DPYD: variants seen among roughly 807,000 people sequenced by gnomAD.
DPYD encodes the protein dihydropyrimidine dehydrogenase [NADP(+)].
Under a neutral mutation model 116.2 loss-of-function variants are expected in DPYD, and 109 were observed. That is an observed-to-expected ratio of 0.94 (90% confidence interval 0.80 to 1.10). DPYD has a LOEUF of 1.10. DPYD is among the 50% of genes least tolerant of loss of function. The pLI, the probability that DPYD is intolerant of heterozygous loss-of-function variation, is 0.00. For missense variants in DPYD, 1,302 were observed against 1,254.5 expected (o/e 1.04, Z -0.57); for synonymous variants, 440 against 432.0 (o/e 1.02, Z -0.23).
intron 6 of DPYD, among the ~76,000 whole-genome samples, chr1:97,696,203 CA>C (rs1202505799): frequency 2.0e-5 from 3 of 150,812 alleles, no homozygotes; most frequent in Non-Finnish European, 4.4e-5. Context: ...TATCAGAGGA[CA>C]TTTTTTTAGA....
intron 3 of DPYD, among the ~76,000 whole-genome samples, chr1:97,791,269 T>G (rs1667307477): frequency 6.6e-6 from 1 of 152,144 alleles, no homozygotes; most frequent in Non-Finnish European, 1.5e-5. Flanking sequence ...TTTCCAAATG[T>G]CCATACATTT....
intron 11 of DPYD, among the ~76,000 whole-genome samples, chr1:97,563,691 G>T (rs1331253349): frequency 3.9e-5 from 6 of 152,148 alleles, no homozygotes; most frequent in Non-Finnish European, 8.8e-5. Context: ...TTATTAGAGG[G>T]AAGTAAAATA....
At chr1:97,832,988 A>G (rs556061263) in intron 2 of DPYD, among the ~76,000 whole-genome samples, 1 of 151,056 alleles carries the variant, frequency 6.6e-6, no homozygotes, top group Admixed American at 6.6e-5. Flanking sequence ...AGGTGGAAAG[A>G]GGCAAAGAAA....
intron 4 of DPYD, among the ~76,000 whole-genome samples, chr1:97,724,952 A>AG (rs1491244892): frequency 9.4e-4 from 92 of 97,570 alleles, no homozygotes; most frequent in Middle Eastern, 0.01. Flanking sequence ...GGAGGGAAGG[A>AG]AAGAGAGAGA....
intron 16 of DPYD, among the ~76,000 whole-genome samples, chr1:97,353,367 G>A (rs1267725002): frequency 1.3e-5 from 2 of 152,172 alleles, no homozygotes; most frequent in Non-Finnish European, 2.9e-5. Context: ...GGTGCTGGAT[G>A]GCGCTCTGCA....
At chr1:97,449,963 A>G (rs2101790845) in intron 14 of DPYD, 96 bp downstream of exon 14, 1 of 1,450,080 alleles carries the variant, frequency 6.9e-7, no homozygotes, top group Admixed American at 1.7e-5. Flanking sequence ...AATAAAATAT[A>G]CACATTAATA....
chr1:97,247,945 A>G (rs1441361708), intron 18 of DPYD, among the ~76,000 whole-genome samples: 1 of 152,228 alleles, frequency 6.6e-6, no homozygotes. Context: ...GGAAGGAATA[A>G]TACCGATCTT....
intron 8 of DPYD, among the ~76,000 whole-genome samples, chr1:97,647,104 T>C (rs1557859291): frequency 6.6e-6 from 1 of 152,058 alleles, no homozygotes; most frequent in East Asian, 1.9e-4. Context: ...AGCTCCTAAA[T>C]TACATCAGAA....
intron 16 of DPYD, among the ~76,000 whole-genome samples, chr1:97,355,927 A>C (rs970366431): frequency 6.6e-6 from 1 of 152,148 alleles, no homozygotes; most frequent in Admixed American, 6.6e-5. Flanking sequence ...GCTGATTTCA[A>C]ATCTATTGCA....
At chr1:97,638,700 C>T (rs747727931) in intron 8 of DPYD, among the ~76,000 whole-genome samples, 1 of 152,008 alleles carries the variant, frequency 6.6e-6, no homozygotes, top group East Asian at 1.9e-4. Context: ...GACTTACAAT[C>T]GTGGCAGAAG....
chr1:97,620,492 A>G (rs1656570289), intron 8 of DPYD, among the ~76,000 whole-genome samples: 1 of 152,170 alleles, frequency 6.6e-6, no homozygotes, highest in African/African-American at 2.4e-5. Flanking sequence ...TTAGGATTAC[A>G]AGTGTGAGCC....
intron 14 of DPYD, among the ~76,000 whole-genome samples, chr1:97,389,067 G>A (rs1405380237): frequency 6.6e-6 from 1 of 152,012 alleles, no homozygotes; most frequent in Non-Finnish European, 1.5e-5. Context: ...TTATGAACTA[G>A]GGTGTAAGGT....
At chr1:97,754,919 T>C (rs1665145447) in intron 3 of DPYD, among the ~76,000 whole-genome samples, 1 of 152,228 alleles carries the variant, frequency 6.6e-6, no homozygotes, top group Non-Finnish European at 1.5e-5. Flanking sequence ...CATTTGTTGA[T>C]TAAATGAATG....
intron 12 of DPYD, chr1:97,545,575 T>C (rs919028638): frequency 8.6e-6 from 4 of 465,158 alleles, no homozygotes; most frequent in African/African-American, 5.9e-5. Flanking sequence ...ATATGAAAAG[T>C]AGATTAGAGA....
chr1:97,257,464 A>AGAGAGAGAGAGAGAGAGAGAG (rs1557977908), intron 18 of DPYD, among the ~76,000 whole-genome samples: 32 of 138,218 alleles, frequency 2.3e-4, no homozygotes, highest in Non-Finnish European at 4.4e-4. Flanking sequence ...GAGAGAGAGA[A>AGAGAGAGAGAGAGAGAGAGAG]AGAGAGAGAG....
At position 97,438,868 on chromosome 1, in the gene DPYD, T is replaced by C. The variant is rs138622900; in HGVS notation, c.1905+11191A>G. On this transcript the variant is annotated intron_variant, in intron 14 of 22. Transcript: ENST00000370192. ...GACAGTTTTACTTCTTCCTTTGCAG[T>C]CTTTTATTTTTTTCTTCTAATTGGA... 2.7e-3 allele frequency among the ~76,000 whole-genome samples: 407 copies of C among 152,154 alleles called. 6 individuals are homozygous for C. The highest frequency in any genetic ancestry group is 9.4e-3 in the African/African-American group (392 of 41,538).
chr1:97,174,390 C>G (rs1657102096), intron 20 of DPYD, among the ~76,000 whole-genome samples: 1 of 152,192 alleles, frequency 6.6e-6, no homozygotes, highest in Non-Finnish European at 1.5e-5. Context: ...CTCCACTCCT[C>G]AAGGAGCAGA....
intron 6 of DPYD, 95 bp from the exon 7 acceptor site, chr1:97,691,893 T>C (rs1571199037): frequency 4.3e-6 from 4 of 940,630 alleles, no homozygotes; most frequent in Middle Eastern, 2.5e-4. Flanking sequence ...TATGGATTAG[T>C]AGAAAATAAA....
At position 97,747,778 on chromosome 1, in the gene DPYD, T is replaced by C. The variant is rs201249323; in HGVS notation, c.234-7299A>G. On this transcript the variant is annotated intron_variant, in intron 3 of 22. Coordinates refer to ENST00000370192, the MANE Select transcript of DPYD (RefSeq NM_000110.4). ...GAAAGCGTAGCATTGAGGTTAAGAG[T>C]ACAAGTGCTGGTGCTTGATTGCCCA... 4.6e-5 allele frequency among the ~76,000 whole-genome samples: 7 copies of C among 152,268 alleles called. No individual in the cohort carries two copies. The East Asian group carries it at 1.4e-3, about 29-fold the overall frequency.
Sources: gnomAD v4.1 joint callset for allele counts (sites outside exome capture counted in the v4.1 genomes callset) on GRCh38, gnomAD v4.1.1 for gene constraint, MANE v1.5 for transcripts, NCBI Gene and HGNC (gene_info 2026-07-23, HGNC 2026-07-21) for gene names.